Variants in SLAIN1 observed in about 807,000 individuals in gnomAD.
SLAIN1 encodes the protein SLAIN family member 1.
SLAIN1 carries 17 observed loss-of-function variants against 55.4 expected under a neutral mutation model. The ratio of observed to expected loss-of-function variants is 0.31; its 90% CI spans 0.21 to 0.46. The LOEUF (loss-of-function observed/expected upper bound fraction) is 0.46. Ranked by LOEUF, SLAIN1 falls within the 20% of genes least tolerant of loss-of-function variation. The pLI is 1.00. For synonymous variants in SLAIN1, 348 were observed against 337.4 expected (o/e 1.03, Z -0.35); for missense variants, 682 against 785.1 (o/e 0.87, Z 1.57).
At chr13:77,730,955 C>T (rs1872826313) in intron 2 of SLAIN1, among the ~76,000 whole-genome samples, 1 of 152,076 alleles carries the variant, frequency 6.6e-6, no homozygotes. Context: ...AAGAACCAAG[C>T]TGCTTCTCTG....
At chr13:77,716,504 C>A (rs1360294360) in intron 1 of SLAIN1, among the ~76,000 whole-genome samples, 1 of 152,024 alleles carries the variant, frequency 6.6e-6, no homozygotes, top group Non-Finnish European at 1.5e-5. Context: ...TTCTTACTCA[C>A]GAAAATGGCA....
chr13:77,755,204 A>T (rs183277196), intron 5 of SLAIN1, among the ~76,000 whole-genome samples: 68 of 152,288 alleles, frequency 4.5e-4, no homozygotes, highest in African/African-American at 1.3e-3. Context: ...CAGTAGTCCT[A>T]GCTACTTGGA....
intron 5 of SLAIN1, among the ~76,000 whole-genome samples, 162 bp downstream of exon 5, chr13:77,753,520 A>G (rs1874389297): frequency 6.6e-6 from 1 of 152,100 alleles, no homozygotes; most frequent in African/African-American, 2.4e-5. Context: ...TCACCATTAG[A>G]GTTGAATAGT....
At chr13:77,711,792 A>G (rs942971737) in intron 1 of SLAIN1, among the ~76,000 whole-genome samples, 4 of 152,316 alleles carry the variant, frequency 2.6e-5, no homozygotes, top group South Asian at 2.1e-4. Context: ...TTTCAGCCCA[A>G]TATCCCTGAT....
intron 4 of SLAIN1, 143 bp from the exon 5 acceptor site, chr13:77,753,060 A>G (rs1874350760): frequency 1.3e-6 from 1 of 753,268 alleles, no homozygotes; most frequent in Admixed American, 3.5e-5. Flanking sequence ...TTCCTGTACA[A>G]TAGGTTAGAA....
At chr13:77,762,667 T>C (rs2154411175) in intron 6 of SLAIN1, among the ~76,000 whole-genome samples, 1 of 152,294 alleles carries the variant, frequency 6.6e-6, no homozygotes, top group Non-Finnish European at 1.5e-5. Context: ...CCCAAAGTGT[T>C]GGGATTATAG....
At chr13:77,711,471 C>G (rs931223797) in intron 1 of SLAIN1, among the ~76,000 whole-genome samples, 1 of 152,156 alleles carries the variant, frequency 6.6e-6, no homozygotes, top group Non-Finnish European at 1.5e-5. Flanking sequence ...ACTAGGAAAT[C>G]TAGAAGAAAT....
chr13:77,698,271 C>T lies in SLAIN1; in HGVS notation c.358C>T (p.Pro120Ser), dbSNP rs2090994357. The T allele has an allele frequency of 4.2e-6, 6 of 1,421,612 alleles. No homozygotes were observed. The highest frequency in any genetic ancestry group is 5.5e-6 in the Non-Finnish European group (6 of 1,085,944). The allele number at this position is 1,421,612 out of a possible 1,614,324, so 88.1% of individuals were successfully genotyped here. Residue 120 changes from proline to serine, a missense_variant, in exon 1 of 7, where the codon CCC becomes TCC. Around this residue, in one of 3 missense-constraint regions of SLAIN1, gnomAD observed 401 missense variants for 417.3 expected, o/e 0.96. Transcript: ENST00000418532. The surrounding 1 kb of genome is among the most constrained non-coding windows in gnomAD (Gnocchi z 4.1). The stretch of plus-strand genomic sequence containing the variant: ...TAGTGGCAGCGGCGGTGGCTCCAGC[C>T]CCGCGTTCCCGGGCACCTTCTGCCT... ...SGSGSGGGSS[P>S]AFPGTFCLPS...
chr13:77,761,836 A>G (rs572048188), intron 6 of SLAIN1, among the ~76,000 whole-genome samples: 2 of 152,154 alleles, frequency 1.3e-5, no homozygotes, highest in South Asian at 4.1e-4. Flanking sequence ...AGTATCTTAT[A>G]TTAAAAATCC....
At position 77,698,023 on chromosome 13, in the gene SLAIN1, G is replaced by A; in HGVS notation, c.110G>A (p.Arg37His). 7 of 1,426,994 alleles carry A rather than the reference G, an allele frequency of 4.9e-6. No individual in the cohort carries two copies. The highest frequency in any genetic ancestry group is 6.5e-6 in the Non-Finnish European group (7 of 1,078,132). 88.4% of individuals were successfully genotyped at this position (1,426,994 alleles called of 1,614,324 possible). The change falls in exon 1 of 7, where the codon CGC becomes CAC. Residue 37 changes from arginine (R) to histidine (H), a missense_variant. Transcript: ENST00000418532. The surrounding 1 kb of genome is among the most constrained non-coding windows in gnomAD (Gnocchi z 4.1). ...LEVKKLQELV[R>H]KLEKQNEQLR... ...GTGAAGAAGCTGCAGGAGCTGGTGC[G>A]CAAGCTGGAGAAGCAGAACGAGCAG...
chr13:77,699,910 G>A (rs2091014192), intron 1 of SLAIN1, among the ~76,000 whole-genome samples: 2 of 152,016 alleles, frequency 1.3e-5, no homozygotes, highest in Admixed American at 6.6e-5. Flanking sequence ...TCTCATGATG[G>A]TCCTTAGATT....
At chr13:77,761,199 A>C (rs1316672407) in intron 6 of SLAIN1, 89 bp downstream of exon 6, 2 of 1,309,690 alleles carry the variant, frequency 1.5e-6, no homozygotes, top group African/African-American at 2.9e-5. Context: ...GGCTCACTTT[A>C]ACCTTAGTAA....
chr13:77,736,949 G>A (rs7326748), intron 2 of SLAIN1, among the ~76,000 whole-genome samples: 25,984 of 151,694 alleles, frequency 0.17, 2,439 homozygotes, highest in African/African-American at 0.22. Context: ...TTCTCCTTGG[G>A]TGATTTCAAT....
At chr13:77,753,111 A>G in intron 4 of SLAIN1, 92 bp from the exon 5 acceptor site, 1 of 1,145,014 alleles carries the variant, frequency 8.7e-7, no homozygotes, top group Non-Finnish European at 1.2e-6. Context: ...TTTATTATTG[A>G]GCACAATATG....
intron 2 of SLAIN1, chr13:77,741,305 G>A (rs1873418826): frequency 1.0e-6 from 1 of 987,328 alleles, no homozygotes; most frequent in Non-Finnish European, 1.2e-6. Context: ...TGTGAGAACA[G>A]CTACCTAGTG....
chr13:77,722,240 A>G (rs2091269119), intron 2 of SLAIN1, among the ~76,000 whole-genome samples: 1 of 152,016 alleles, frequency 6.6e-6, no homozygotes, highest in Non-Finnish European at 1.5e-5. Context: ...TTGTATATAA[A>G]CTCAAAACTT....
chr13:77,723,290 T>TGGGAC (rs2091278740), intron 2 of SLAIN1, among the ~76,000 whole-genome samples: 1 of 152,196 alleles, frequency 6.6e-6, no homozygotes, highest in Non-Finnish European at 1.5e-5. Flanking sequence ...AGAGCCATCA[T>TGGGAC]GGTGGGACTT....
Position 77,746,691 on chromosome 13 carries a change from C to A in SLAIN1, c.1094C>A (p.Ser365Tyr). 6.2e-7 allele frequency: 1 copy of A among 1,613,788 alleles called. No homozygotes were observed. Among genetic ancestry groups the A allele is most frequent in the Non-Finnish European group, 8.5e-7 (1 of 1,179,794 alleles). ...CCTCAGCCTCGTCTTCCAAGATGTT[C>A]CCCTTTCCAAAGAGGAATTCCCCAT... is the stretch of plus-strand genomic sequence containing the variant. Reference protein sequence around the residue: ...PPPQPRLPRCSPFQRGIPHSQ... With the variant: ...PPPQPRLPRCYPFQRGIPHSQ... Residue 365 changes from serine to tyrosine, a missense_variant, in exon 4 of 7, where the codon TCC becomes TAC. By Grantham distance (144) the Ser-to-Tyr change is moderately radical (BLOSUM62 -2). This residue lies in a region of SLAIN1 where 244 missense variants were observed against 295.2 expected (regional missense o/e 0.83). Transcript: ENST00000418532.
At chr13:77,732,734 T>C (rs909754056) in intron 2 of SLAIN1, among the ~76,000 whole-genome samples, 2 of 152,048 alleles carry the variant, frequency 1.3e-5, no homozygotes, top group African/African-American at 2.4e-5. Context: ...ACTTGTGAAG[T>C]TGTAGCAGTC....
Sources: allele counts gnomAD v4.1 joint callset (sites outside exome capture counted in the v4.1 genomes callset), GRCh38; gene constraint gnomAD v4.1.1; regional missense constraint gnomAD v4.1.1; non-coding constraint Gnocchi (gnomAD v3.1); transcripts MANE v1.5; gene names NCBI Gene and HGNC (gene_info 2026-07-23, HGNC 2026-07-21).